The following RETREG1 variants were observed in gnomAD, a reference collection of about 807,000 sequenced individuals.
RETREG1 encodes reticulophagy regulator 1.
In RETREG1, 44 loss-of-function variants were observed where a neutral mutation model predicts 54.8. That is an observed-to-expected ratio of 0.80 (90% confidence interval 0.63 to 1.03). RETREG1 has a LOEUF of 1.03. Among genes scored for constraint, RETREG1 ranks in the 50% least tolerant of loss-of-function variants. The probability of loss-of-function intolerance (pLI) is 0.00; values close to 1 mark genes in which losing one functional copy is unlikely to be tolerated. For missense variants in RETREG1, 554 were observed against 605.1 expected (o/e 0.92, Z 0.89); for synonymous variants, 217 against 238.5 (o/e 0.91, Z 0.83).
chr5:16,539,610 TC>T (rs1307748026), intron 3 of RETREG1, among the ~76,000 whole-genome samples: 3 of 152,148 alleles, frequency 2.0e-5, no homozygotes, highest in Non-Finnish European at 4.4e-5. Flanking sequence ...CCATGCTTGC[TC>T]CTGCAACTGA....
chr5:16,581,841 T>C (rs1742493241), intron 1 of RETREG1, among the ~76,000 whole-genome samples: 1 of 152,224 alleles, frequency 6.6e-6, no homozygotes, highest in Non-Finnish European at 1.5e-5. Context: ...TAAAATATTT[T>C]ATTTTATTTT....
chr5:16,574,261 T>C (rs889971434), intron 1 of RETREG1, among the ~76,000 whole-genome samples: 1 of 151,748 alleles, frequency 6.6e-6, no homozygotes, highest in African/African-American at 2.4e-5. Flanking sequence ...AGAGACAAGA[T>C]TGGGGAGATA....
At chr5:16,497,033 G>A (rs1168151192) in intron 3 of RETREG1, among the ~76,000 whole-genome samples, 2 of 152,184 alleles carry the variant, frequency 1.3e-5, no homozygotes, top group Non-Finnish European at 2.9e-5. Flanking sequence ...CTATACAAAG[G>A]TGATGAAAAT....
chr5:16,526,076 G>A (rs1740708449), intron 3 of RETREG1, among the ~76,000 whole-genome samples: 1 of 152,212 alleles, frequency 6.6e-6, no homozygotes, highest in South Asian at 2.1e-4. Context: ...ATCTACACTG[G>A]TGTGTGACCA....
chr5:16,526,183 T>C (rs1403976067), intron 3 of RETREG1, among the ~76,000 whole-genome samples: 1 of 152,232 alleles, frequency 6.6e-6, no homozygotes, highest in African/African-American at 2.4e-5. Context: ...GCTGTGGGTA[T>C]CAAATGGCTC....
intron 3 of RETREG1, among the ~76,000 whole-genome samples, chr5:16,522,269 G>C (rs1362996561): frequency 6.6e-6 from 1 of 151,938 alleles, no homozygotes; most frequent in African/African-American, 2.4e-5. Context: ...TTCTTAGGAA[G>C]GGCGGATTCC....
chr5:16,500,070 G>C (rs1739638608), intron 3 of RETREG1, among the ~76,000 whole-genome samples: 1 of 152,172 alleles, frequency 6.6e-6, no homozygotes, highest in Admixed American at 6.5e-5. Context: ...AAAGACCATG[G>C]GAGCCTCCCT....
intron 1 of RETREG1, among the ~76,000 whole-genome samples, chr5:16,583,795 A>G (rs1188481043): frequency 2.0e-5 from 3 of 152,160 alleles, no homozygotes; most frequent in Non-Finnish European, 4.4e-5. Context: ...AACAGCTAAA[A>G]CATATTTTTT....
chr5:16,515,050 T>C (rs1740303884), intron 3 of RETREG1, among the ~76,000 whole-genome samples: 1 of 151,526 alleles, frequency 6.6e-6, no homozygotes, highest in African/African-American at 2.4e-5. Flanking sequence ...TTGTGACTTA[T>C]GCTGCTATAA....
At chr5:16,577,009 A>G (rs537850850) in intron 1 of RETREG1, among the ~76,000 whole-genome samples, 11 of 149,364 alleles carry the variant, frequency 7.4e-5, no homozygotes, top group Admixed American at 3.4e-4. Context: ...ATCAAGGTTC[A>G]TATTTCCCCA....
rs562064598 is a variant in RETREG1, at chr5:16,599,230, A to G, written c.320+17422T>C. On this transcript the variant is annotated intron_variant, in intron 1 of 8. Transcript: ENST00000306320. ...TCAATAAAAAGGAAAAAATAAGTAA[A>G]TTTTTTACAAATAAAAAGAAATGCT... Among the ~76,000 whole-genome samples the G allele has an allele frequency of 6.6e-5, 10 of 152,194 alleles. No individual in the cohort carries two copies. The East Asian group carries it at 1.9e-3, about 29-fold the overall frequency.
chr5:16,501,156 A>C (rs1369113068), intron 3 of RETREG1, among the ~76,000 whole-genome samples: 6 of 152,240 alleles, frequency 3.9e-5, no homozygotes, highest in Non-Finnish European at 7.3e-5. Context: ...GCCATTCACT[A>C]AAGTGAATAT....
chr5:16,515,470 T>C (rs1249680260), intron 3 of RETREG1, among the ~76,000 whole-genome samples: 4 of 152,356 alleles, frequency 2.6e-5, no homozygotes, highest in South Asian at 2.1e-4. Context: ...TTAATCCTTA[T>C]ACGTTTCACA....
intron 1 of RETREG1, among the ~76,000 whole-genome samples, chr5:16,611,653 C>G (rs1743345086): frequency 6.6e-6 from 1 of 152,190 alleles, no homozygotes. Context: ...AACATGAAAA[C>G]TACCTGAAGG....
intron 3 of RETREG1, among the ~76,000 whole-genome samples, chr5:16,510,046 T>C (rs968885004): frequency 6.6e-5 from 10 of 151,936 alleles, no homozygotes; most frequent in African/African-American, 2.4e-4. Context: ...TAAAAATCTG[T>C]GTATTCTGTT....
intron 3 of RETREG1, among the ~76,000 whole-genome samples, chr5:16,488,215 G>A (rs191917539): frequency 1.3e-5 from 2 of 152,330 alleles, no homozygotes; most frequent in East Asian, 3.9e-4. Flanking sequence ...GTGTGAGAGG[G>A]AGCTGATATA....
intron 3 of RETREG1, among the ~76,000 whole-genome samples, chr5:16,546,778 T>C (rs75503831): frequency 6.6e-6 from 1 of 152,212 alleles, no homozygotes; most frequent in African/African-American, 2.4e-5. Context: ...CAGAAATCTA[T>C]CTAAATATCA....
chr5:16,552,458 T>C (rs1315448167), intron 3 of RETREG1, among the ~76,000 whole-genome samples: 1 of 152,184 alleles, frequency 6.6e-6, no homozygotes, highest in Non-Finnish European at 1.5e-5. Flanking sequence ...AGATTTTATA[T>C]AAGACAGTGG....
intron 2 of RETREG1, among the ~76,000 whole-genome samples, chr5:16,569,371 G>C (rs1742109796): frequency 6.7e-6 from 1 of 148,846 alleles, no homozygotes; most frequent in Non-Finnish European, 1.5e-5. Context: ...CTGAAAGCCT[G>C]TCCTTGGACA....
Sources: allele counts gnomAD v4.1 joint callset (sites outside exome capture counted in the v4.1 genomes callset), GRCh38; gene constraint gnomAD v4.1.1; transcripts MANE v1.5; gene names NCBI Gene and HGNC (gene_info 2026-07-23, HGNC 2026-07-21).